The following AGBL4 variants were observed in gnomAD, a reference collection of about 807,000 sequenced individuals.
The protein encoded by AGBL4 is cytosolic carboxypeptidase 6.
In AGBL4, 58 loss-of-function variants were observed where a neutral mutation model predicts 66.4. The observed-to-expected ratio is 0.87, with a 90% confidence interval of 0.71 to 1.09. AGBL4 has a LOEUF of 1.09. AGBL4 is among the 50% of genes least tolerant of loss of function. The pLI is 0.00. For missense variants in AGBL4, 579 were observed against 631.0 expected, an observed-to-expected ratio of 0.92 and a Z score of 0.88; for synonymous variants, 234 against 222.9, an observed-to-expected ratio of 1.05 and a Z score of -0.44.
intron 4 of AGBL4, among the ~76,000 whole-genome samples, chr1:49,167,146 C>G (rs575081045): frequency 8.1e-4 from 124 of 152,266 alleles, no homozygotes; most frequent in African/African-American, 2.9e-3. Flanking sequence ...CACATTGTCA[C>G]CCGTATAAAA....
At chr1:49,652,659 A>T (rs1646031821) in intron 3 of AGBL4, among the ~76,000 whole-genome samples, 1 of 152,188 alleles carries the variant, frequency 6.6e-6, no homozygotes, top group Admixed American at 6.5e-5. Context: ...AGTGCCAGCA[A>T]GACTGGGCAA....
chr1:48,910,393 G>A (rs1241627736), intron 5 of AGBL4, among the ~76,000 whole-genome samples: 1 of 152,166 alleles, frequency 6.6e-6, no homozygotes, highest in Non-Finnish European at 1.5e-5. Context: ...GCAATAGGAT[G>A]CTGGTGTTCT....
At chr1:49,032,915 A>T (rs1204855460) in intron 5 of AGBL4, among the ~76,000 whole-genome samples, 1 of 152,082 alleles carries the variant, frequency 6.6e-6, no homozygotes, top group South Asian at 2.1e-4. Flanking sequence ...TAGGGAACCC[A>T]GGAATGCAGC....
At chr1:49,586,633 C>G (rs1246054537) in intron 3 of AGBL4, among the ~76,000 whole-genome samples, 1 of 150,142 alleles carries the variant, frequency 6.7e-6, no homozygotes, top group Admixed American at 6.8e-5. Flanking sequence ...CAACCATAAT[C>G]AATAATCGTT....
chr1:49,278,547 C>T (rs1644216398), intron 3 of AGBL4, among the ~76,000 whole-genome samples: 1 of 152,092 alleles, frequency 6.6e-6, no homozygotes, highest in Admixed American at 6.5e-5. Context: ...AGCTATCTGC[C>T]TGCAGGAGGT....
intron 3 of AGBL4, among the ~76,000 whole-genome samples, chr1:49,442,182 G>C (rs1335042741): frequency 6.6e-6 from 1 of 152,198 alleles, no homozygotes; most frequent in African/African-American, 2.4e-5. Flanking sequence ...GCCTGAGAGA[G>C]AGAGAGAGAG....
intron 5 of AGBL4, among the ~76,000 whole-genome samples, chr1:49,006,210 T>A (rs900480581): frequency 6.6e-6 from 1 of 152,066 alleles, no homozygotes; most frequent in Non-Finnish European, 1.5e-5. Flanking sequence ...ATTGCCTCAC[T>A]CGGGAAGCGC....
rs202061823 is a variant in AGBL4, at chr1:49,110,770, TC to T, written c.378-64971del. Among the ~76,000 whole-genome samples the T allele has an allele frequency of 2.6e-3, 391 of 152,318 alleles. 7 individuals carry two copies. Among genetic ancestry groups the T allele is most frequent in the Admixed American group, 0.022 (342 of 15,304 alleles). ...CAGCTGCTGCCCATTTCTCTGCTCC[TC>T]TTCTTGGTCAAACTTCTGCATATGC... On this transcript the variant is annotated intron_variant, in intron 4 of 13. Coordinates refer to ENST00000371839, the MANE Select transcript of AGBL4 (RefSeq NM_032785.4).
chr1:49,777,196 C>T (rs996901773), intron 2 of AGBL4, among the ~76,000 whole-genome samples: 6 of 152,034 alleles, frequency 3.9e-5, no homozygotes, highest in African/African-American at 1.4e-4. Flanking sequence ...ACAATTACTT[C>T]ATAGAAACTG....
Position 49,748,509 on chromosome 1 carries a change from A to C in AGBL4, c.158-51072T>G, listed in dbSNP as rs1039657885. ...GCTTTATTATAGAATGATTTATAAT[A>C]CTTTGGGTATATACCCAGTAATGGG... is the stretch of plus-strand genomic sequence containing the variant. On this transcript the variant is annotated intron_variant, in intron 2 of 13. Transcript: ENST00000371839. 5.9e-5 allele frequency among the ~76,000 whole-genome samples: 9 copies of C among 152,284 alleles called. No homozygotes were observed. In the East Asian group the frequency reaches 7.7e-4, roughly 13 times the overall value.
intron 2 of AGBL4, among the ~76,000 whole-genome samples, chr1:49,789,944 C>T (rs1443614543): frequency 6.6e-6 from 1 of 152,142 alleles, no homozygotes; most frequent in Non-Finnish European, 1.5e-5. Flanking sequence ...TACAAGGCTA[C>T]AGTAACCAAA....
chr1:49,940,348 TG>T (rs1435421742), intron 1 of AGBL4, among the ~76,000 whole-genome samples: 1 of 152,220 alleles, frequency 6.6e-6, no homozygotes, highest in Non-Finnish European at 1.5e-5. Flanking sequence ...ATCCCATTAC[TG>T]GGTATATACC....
intron 2 of AGBL4, among the ~76,000 whole-genome samples, chr1:49,753,322 C>T (rs1473004995): frequency 6.6e-6 from 1 of 152,072 alleles, no homozygotes; most frequent in Non-Finnish European, 1.5e-5. Context: ...TCTCCTTTGC[C>T]TATGAAGCTT....
chr1:49,125,020 A>G (rs1409563809), intron 4 of AGBL4, among the ~76,000 whole-genome samples: 1 of 152,152 alleles, frequency 6.6e-6, no homozygotes, highest in African/African-American at 2.4e-5. Context: ...TGGAGTGTTG[A>G]CAGATTTGAA....
Position 48,674,195 on chromosome 1 carries a change from C to T in AGBL4, c.635-10954G>A, listed in dbSNP as rs375796923. Among the ~76,000 whole-genome samples the T allele has an allele frequency of 9.3e-4, 142 of 152,284 alleles. 2 individuals carry two copies. The highest frequency in any genetic ancestry group is 3.0e-3 in the African/African-American group (124 of 41,554). ...AGCTGGCTCCTTGGGGGCATTAGCT[C>T]CATGGCAAAGGGAACTTTGTCTTGT... On this transcript the variant is annotated intron_variant, in intron 6 of 13. Coordinates refer to ENST00000371839, the MANE Select transcript of AGBL4 (RefSeq NM_032785.4).
At chr1:49,463,513 A>C (rs987090586) in intron 3 of AGBL4, among the ~76,000 whole-genome samples, 2 of 151,710 alleles carry the variant, frequency 1.3e-5, no homozygotes, top group Non-Finnish European at 2.9e-5. Flanking sequence ...TTACTCATGG[A>C]TCTTCAGAGA....
intron 7 of AGBL4, among the ~76,000 whole-genome samples, chr1:48,657,485 A>G (rs1050748441): frequency 2.0e-5 from 3 of 152,236 alleles, no homozygotes; most frequent in African/African-American, 4.8e-5. Flanking sequence ...GGAATACTGC[A>G]GGGCAGGGCC....
intron 1 of AGBL4, among the ~76,000 whole-genome samples, chr1:49,987,650 A>G (rs770404348): frequency 7.2e-5 from 11 of 152,052 alleles, no homozygotes; most frequent in Non-Finnish European, 1.2e-4. Context: ...AAGACTGTCC[A>G]CTGAATTCAT....
At chr1:49,192,369 G>C (rs562849664) in intron 4 of AGBL4, among the ~76,000 whole-genome samples, 9 of 152,250 alleles carry the variant, frequency 5.9e-5, no homozygotes, top group Non-Finnish European at 8.8e-5. Context: ...CACCATCTTG[G>C]CTCACTGCCA....
Sources: allele counts gnomAD v4.1 joint callset (sites outside exome capture counted in the v4.1 genomes callset), GRCh38; gene constraint gnomAD v4.1.1; transcripts MANE v1.5; gene names NCBI Gene and HGNC (gene_info 2026-07-23, HGNC 2026-07-21).